SUZ12: variants seen among roughly 807,000 people sequenced by gnomAD.
SUZ12 encodes the protein polycomb protein SUZ12.
Under a neutral mutation model 87.3 loss-of-function variants are expected in SUZ12, and 17 were observed. That is an observed-to-expected ratio of 0.19 (90% CI 0.13 to 0.29). SUZ12 has a LOEUF of 0.29. SUZ12 is among the 10% of genes least tolerant of loss of function. SUZ12 has a pLI of 1.00. For missense variants in SUZ12, 526 were observed against 912.2 expected (o/e 0.58, Z 5.45); for synonymous variants, 253 against 312.4 (o/e 0.81, Z 2.01).
chr17:31,956,932 C>T (rs1313615620), intron 4 of SUZ12, among the ~76,000 whole-genome samples: 3 of 152,048 alleles, frequency 2.0e-5, no homozygotes, highest in Non-Finnish European at 4.4e-5. Flanking sequence ...TGTGCCACCA[C>T]GCCCAGCTAA....
chr17:31,998,443 A>G (rs1297027395), intron 15 of SUZ12, among the ~76,000 whole-genome samples: 1 of 151,694 alleles, frequency 6.6e-6, no homozygotes, highest in Non-Finnish European at 1.5e-5. Context: ...TTCTAATGGT[A>G]CCTGTTTAAG....
Position 31,983,203 on chromosome 17 carries a change from T to G in SUZ12, c.1023+99T>G, listed in dbSNP as rs34171970. On this transcript the variant is annotated intron_variant, in intron 9 of 15. Coordinates refer to ENST00000322652, the MANE Select transcript of SUZ12 (RefSeq NM_015355.4). Reference sequence around the variant, plus strand: ...ATGCTAATTCATGTTGGAAGTAGAGTCCTTTGTTTTTTATACTTTAAAAAA... The same window carrying G: ...ATGCTAATTCATGTTGGAAGTAGAGGCCTTTGTTTTTTATACTTTAAAAAA... 2.8e-3 allele frequency: 3,373 copies of G among 1,209,522 alleles called. 17 individuals carry two copies. Among genetic ancestry groups the G allele is most frequent in the Non-Finnish European group, 3.4e-3 (2,962 of 861,222 alleles). 74.9% of individuals were successfully genotyped at this position (1,209,522 alleles called of 1,614,324 possible).
chr17:31,994,901 G>A (rs1210916492), intron 13 of SUZ12, among the ~76,000 whole-genome samples, 180 bp downstream of exon 13: 1 of 152,186 alleles, frequency 6.6e-6, no homozygotes, highest in African/African-American at 2.4e-5. Flanking sequence ...CTACAGAGAA[G>A]TTTTCTCACT....
chr17:31,993,878 A>T lies in SUZ12; in HGVS notation c.1307A>T (p.Asn436Ile). Residue 436 changes from asparagine (N) to isoleucine (I), a missense_variant, in exon 12 of 16, where the codon AAC (asparagine) becomes ATC (isoleucine). Physicochemically the swap from Asn to Ile is moderately radical, Grantham distance 149. This residue lies in a region of SUZ12 where 143 missense variants were observed against 321.6 expected (regional missense o/e 0.44). Coordinates refer to ENST00000322652, the MANE Select transcript of SUZ12 (RefSeq NM_015355.4). ...AATTGTTTTTAGTTTCTCTATAACA[A>T]CAATACAAGGCAACAAACTGAAGCA... is the stretch of plus-strand genomic sequence containing the variant. ...LRIFYQFLYNNNTRQQTEARD... is the reference protein window; with the variant it reads ...LRIFYQFLYNINTRQQTEARD... 6.2e-7 allele frequency: 1 copy of T among 1,609,438 alleles called. No homozygotes were observed. Among genetic ancestry groups the T allele is most frequent in the Non-Finnish European group, 8.5e-7 (1 of 1,178,722 alleles).
In SUZ12 at chr17:31,945,202, T is replaced by C. The variant is rs142714702; in HGVS notation, c.387-2415T>C. ...TTGTCTTCAGCGTAGTTGGTGACTT[T>C]GGAAGGTGGCAGATTTAGCCCAGTG... On this transcript the variant is annotated intron_variant, in intron 3 of 15. Transcript: ENST00000322652. Among the ~76,000 whole-genome samples, 1,150 of 152,300 alleles carry C rather than the reference T, an allele frequency of 7.6e-3. 13 individuals carry two copies. Among genetic ancestry groups the C allele is most frequent in the African/African-American group, 0.026 (1,098 of 41,564 alleles).
At chr17:31,998,292 G>A (rs940421523) in intron 15 of SUZ12, among the ~76,000 whole-genome samples, 2 of 152,014 alleles carry the variant, frequency 1.3e-5, no homozygotes, top group Non-Finnish European at 1.5e-5. Flanking sequence ...TGTTAGCCAG[G>A]ATGGTCTTGA....
At chr17:31,945,608 A>G (rs892085714) in intron 3 of SUZ12, among the ~76,000 whole-genome samples, 1 of 152,184 alleles carries the variant, frequency 6.6e-6, no homozygotes, top group Non-Finnish European at 1.5e-5. Context: ...CTACAGTAAC[A>G]TTACCTTTCT....
At chr17:31,976,725 T>C (rs1351907455) in intron 8 of SUZ12, 111 bp downstream of exon 8, 6 of 848,992 alleles carry the variant, frequency 7.1e-6, no homozygotes, top group Non-Finnish European at 1.0e-5. Flanking sequence ...TTCTTTTTAT[T>C]CTTACGGATG....
intron 3 of SUZ12, among the ~76,000 whole-genome samples, chr17:31,944,420 G>A (rs776545525): frequency 2.6e-5 from 4 of 152,196 alleles, no homozygotes; most frequent in Admixed American, 6.5e-5. Context: ...GAAACACCAC[G>A]TCCTGCTAAA....
chr17:31,992,061 A>T (rs896968483), intron 10 of SUZ12, among the ~76,000 whole-genome samples: 1 of 151,754 alleles, frequency 6.6e-6, no homozygotes, highest in African/African-American at 2.4e-5. Flanking sequence ...GGAGGCCGAG[A>T]TGAGCAGATT....
At chr17:31,938,820 A>T (rs1403692887) in intron 1 of SUZ12, among the ~76,000 whole-genome samples, 1 of 152,244 alleles carries the variant, frequency 6.6e-6, no homozygotes, top group Admixed American at 6.5e-5. Context: ...ATCCTCCAAG[A>T]AAGTTTTAAC....
intron 4 of SUZ12, 146 bp downstream of exon 4, chr17:31,947,831 GA>G (rs1290114744): frequency 1.3e-6 from 1 of 762,786 alleles, no homozygotes; most frequent in African/African-American, 1.8e-5. Flanking sequence ...ACACAAGTCA[GA>G]AATTAATTTC....
intron 9 of SUZ12, among the ~76,000 whole-genome samples, chr17:31,985,740 G>T (rs2142199298): frequency 6.6e-6 from 1 of 151,494 alleles, no homozygotes; most frequent in South Asian, 2.1e-4. Flanking sequence ...TTGGCTCACT[G>T]CAACCTCCGC....
chr17:31,981,595 T>G (rs1909107801), intron 8 of SUZ12, among the ~76,000 whole-genome samples: 1 of 152,224 alleles, frequency 6.6e-6, no homozygotes, highest in Admixed American at 6.5e-5. Flanking sequence ...ATTACCTCTT[T>G]GAGTAAATAA....
At chr17:31,993,092 G>A (rs545675138) in intron 10 of SUZ12, 150 bp from the exon 11 acceptor site, 7 of 522,334 alleles carry the variant, frequency 1.3e-5, no homozygotes, top group Non-Finnish European at 2.4e-5. Flanking sequence ...TTTTTCCTGC[G>A]ATCATCAGTT....
At chr17:31,974,091 C>T (rs1908595674) in intron 6 of SUZ12, among the ~76,000 whole-genome samples, 1 of 152,044 alleles carries the variant, frequency 6.6e-6, no homozygotes, top group Non-Finnish European at 1.5e-5. Flanking sequence ...GGCATGATGG[C>T]CTGTGCCTGT....
intron 7 of SUZ12, among the ~76,000 whole-genome samples, chr17:31,976,135 T>C (rs1236150270): frequency 1.3e-5 from 2 of 152,140 alleles, no homozygotes; most frequent in Non-Finnish European, 2.9e-5. Context: ...ACATGAAATA[T>C]ATCATTGCAG....
At chr17:31,996,037 G>A (rs1351628949) in intron 14 of SUZ12, among the ~76,000 whole-genome samples, 3 of 151,880 alleles carry the variant, frequency 2.0e-5, no homozygotes, top group Admixed American at 6.6e-5. Flanking sequence ...GGTGAAACCC[G>A]GTCTCTACTA....
chr17:31,970,074 C>T (rs1908324392), intron 5 of SUZ12, among the ~76,000 whole-genome samples: 1 of 152,182 alleles, frequency 6.6e-6, no homozygotes, highest in South Asian at 2.1e-4. Context: ...TGAGCCACTG[C>T]ATCCGGCCTC....
Sources: allele counts gnomAD v4.1 joint callset (sites outside exome capture counted in the v4.1 genomes callset), GRCh38; gene constraint gnomAD v4.1.1; regional missense constraint gnomAD v4.1.1; transcripts MANE v1.5; gene names NCBI Gene and HGNC (gene_info 2026-07-23, HGNC 2026-07-21).